Variants in PHKA1 observed in about 807,000 individuals in gnomAD.
PHKA1 encodes phosphorylase b kinase regulatory subunit alpha, skeletal muscle isoform.
In PHKA1, 60 loss-of-function variants were observed where a neutral mutation model predicts 110.2. That is an observed-to-expected ratio of 0.54 (90% CI 0.44 to 0.68). PHKA1 has a LOEUF of 0.68. PHKA1 is among the 30% of genes least tolerant of loss of function. The pLI, the probability that PHKA1 is intolerant of heterozygous loss-of-function variation, is 0.00. For synonymous variants in PHKA1, 316 were observed against 333.6 expected, an observed-to-expected ratio of 0.95 and a Z score of 0.58; for missense variants, 801 against 942.5, an observed-to-expected ratio of 0.85 and a Z score of 1.97.
At position 72,656,209 on chromosome X, in the gene PHKA1, G is replaced by A. The variant is rs376572000; in HGVS notation, c.952C>T (p.Leu318=). 8 of 1,209,988 alleles carry A rather than the reference G, an allele frequency of 6.6e-6. No individual in the cohort carries two copies. The highest frequency in any genetic ancestry group is 7.8e-6 in the Non-Finnish European group (7 of 893,692). ...PNRLYYEPAE[L]KLFENIECEW... is the part of the protein sequence containing the mutation. ...CACTCAATGTTTTCAAATAGCTTCA[G>A]CTCAGCTGGTTCATAGTACAGACGA... The change falls in exon 10 of 32, where the codon CTG becomes TTG. Residue 318 remains leucine (L), a synonymous_variant. Transcript: ENST00000373542.
chrX:72,698,549 TA>T (rs2054160228), intron 3 of PHKA1, among the ~76,000 whole-genome samples: 1 of 112,406 alleles, frequency 8.9e-6, no homozygotes, highest in Non-Finnish European at 1.9e-5. Context: ...AAATTTGGCA[TA>T]GGGGTTACAA....
intron 4 of PHKA1, 72 bp from the exon 5 acceptor site, chrX:72,684,652 C>G (rs1270232259): frequency 6.2e-6 from 4 of 645,401 alleles, no homozygotes; most frequent in African/African-American, 4.4e-5. Flanking sequence ...GCCATAGTGA[C>G]TAACTGATCT....
intron 4 of PHKA1, among the ~76,000 whole-genome samples, chrX:72,693,867 G>T (rs1053569925): frequency 9.0e-6 from 1 of 111,547 alleles, no homozygotes; most frequent in Non-Finnish European, 1.9e-5. Flanking sequence ...GTGGAGGGGG[G>T]AGTAGATTTA....
At chrX:72,683,973 G>A (rs1029410456) in intron 5 of PHKA1, among the ~76,000 whole-genome samples, 34 of 112,178 alleles carry the variant, frequency 3.0e-4, no homozygotes, top group Non-Finnish European at 4.5e-4. Flanking sequence ...GAAAAAAATC[G>A]CATTCCTGTA....
intron 6 of PHKA1, 103 bp from the exon 7 acceptor site, chrX:72,667,576 G>A: frequency 5.2e-6 from 3 of 579,793 alleles, no homozygotes; most frequent in Non-Finnish European, 8.7e-6. Context: ...TGTCACTTTT[G>A]AATATGTCTG....
At chrX:72,699,376 G>T (rs975591247) in intron 3 of PHKA1, among the ~76,000 whole-genome samples, 1 of 107,236 alleles carries the variant, frequency 9.3e-6, no homozygotes, top group East Asian at 2.9e-4. Context: ...GTGTGGTGGC[G>T]TGCTTGCCTG....
intron 29 of PHKA1, among the ~76,000 whole-genome samples, chrX:72,584,988 G>A (rs376140020): frequency 1.0e-5 from 1 of 100,449 alleles, no homozygotes; most frequent in Non-Finnish European, 2.0e-5. Flanking sequence ...ACCTATGAGT[G>A]AGAACACGCG....
intron 29 of PHKA1, among the ~76,000 whole-genome samples, chrX:72,590,972 A>G (rs1312167232): frequency 8.9e-6 from 1 of 111,977 alleles, no homozygotes; most frequent in African/African-American, 3.2e-5. Flanking sequence ...TGGGAGTGTA[A>G]ACTAGTTCAA....
Position 72,705,246 on chromosome X carries a change from C to T in PHKA1, c.238-1G>A. The T allele has an allele frequency of 8.4e-7, 1 of 1,188,079 alleles. No individual in the cohort carries two copies. Among genetic ancestry groups the T allele is most frequent in the Non-Finnish European group, 1.1e-6 (1 of 876,764 alleles). ...GTCCTCTCATCAGCTTCACTACACT[C>T]TGCAGAAATAAATGGAAACAAGACA... On this transcript the variant is annotated splice_acceptor_variant, in intron 2 of 31. Coordinates refer to ENST00000373542, the MANE Select transcript of PHKA1 (RefSeq NM_002637.4). LOFTEE classifies it high-confidence loss of function.
chrX:72,634,162 A>C (rs1556290066), intron 16 of PHKA1, among the ~76,000 whole-genome samples: 1 of 112,300 alleles, frequency 8.9e-6, no homozygotes, highest in Non-Finnish European at 1.9e-5. Context: ...TCATTCTTGC[A>C]TATTAGCTTT....
intron 8 of PHKA1, among the ~76,000 whole-genome samples, chrX:72,659,069 T>G (rs1169326412): frequency 2.7e-5 from 3 of 112,258 alleles, no homozygotes; most frequent in Admixed American, 9.4e-5. Flanking sequence ...CCTTTAGCAT[T>G]TATTAATTGA....
chrX:72,706,634 C>T (rs782375045), intron 2 of PHKA1, among the ~76,000 whole-genome samples: 25 of 111,185 alleles, frequency 2.2e-4, no homozygotes, highest in Non-Finnish European at 3.4e-4. Flanking sequence ...TAAAGGAACT[C>T]ATTTTAAAAA....
Position 72,705,058 on chromosome X carries a change from C to A in PHKA1, c.285+140G>T, listed in dbSNP as rs1191737874. On this transcript the variant is annotated intron_variant, in intron 3 of 31. Transcript: ENST00000373542. Reference sequence around the variant, plus strand: ...AGATTATGGGTGACATTATCCCTCTCCAATTTTCAAAATTTTCTAAAATTA... The same window carrying A: ...AGATTATGGGTGACATTATCCCTCTACAATTTTCAAAATTTTCTAAAATTA... 6 of 455,452 alleles carry A rather than the reference C, an allele frequency of 1.3e-5. No homozygotes were observed. In the African/African-American group the frequency reaches 1.5e-4, roughly 11 times the overall value. The allele number at this position is 455,452 out of a possible 1,213,427, so 37.5% of individuals were successfully genotyped here.
rs373128694 is a variant in PHKA1, at chrX:72,593,097, T to C, written c.3243+7A>G. 10 of 1,149,188 alleles carry C rather than the reference T, an allele frequency of 8.7e-6. No homozygotes were observed. The highest frequency in any genetic ancestry group is 1.2e-5 in the Non-Finnish European group (10 of 839,513). The allele number at this position is 1,149,188 out of a possible 1,213,427, so 94.7% of individuals were successfully genotyped here. A position where few individuals can be genotyped will look rare whatever the true frequency, so the allele number is the denominator to read the frequency against. On this transcript the variant is annotated splice_region_variant and intron_variant, in intron 29 of 31. Transcript: ENST00000373542. ...AAAATGAGACATCAACAATGTATTA[T>C]GCTCACCTTCTGCAAAACTTTCCAT...
At chrX:72,616,934 A>G (rs1375483072) in intron 21 of PHKA1, among the ~76,000 whole-genome samples, 1 of 112,295 alleles carries the variant, frequency 8.9e-6, no homozygotes, top group Non-Finnish European at 1.9e-5. Context: ...GAAGGAAATT[A>G]CAAAAATTTC....
At chrX:72,655,784 A>G (rs1365488674) in intron 10 of PHKA1, among the ~76,000 whole-genome samples, 13 of 111,539 alleles carry the variant, frequency 1.2e-4, no homozygotes, top group Admixed American at 1.0e-3. Flanking sequence ...CACCACGCCC[A>G]GCTAATTTTT....
chrX:72,593,791 A>G (rs1429045919), intron 28 of PHKA1, among the ~76,000 whole-genome samples: 1 of 112,668 alleles, frequency 8.9e-6, no homozygotes, highest in African/African-American at 3.2e-5. Flanking sequence ...ATCCTTTTTG[A>G]AAGCAATCTG....
At chrX:72,647,433 T>C (rs2053374245) in intron 13 of PHKA1, among the ~76,000 whole-genome samples, 1 of 111,857 alleles carries the variant, frequency 8.9e-6, no homozygotes, top group Non-Finnish European at 1.9e-5. Context: ...TGAATAAATT[T>C]ACAGGGCAAG....
chrX:72,602,405 T>G, intron 26 of PHKA1, 132 bp from the exon 27 acceptor site: 1 of 494,091 alleles, frequency 2.0e-6, no homozygotes, highest in South Asian at 3.0e-5. Context: ...CCTTGCTATT[T>G]GAAATGTGGT....
Sources: gnomAD v4.1 joint callset for allele counts (sites outside exome capture counted in the v4.1 genomes callset) on GRCh38, gnomAD v4.1.1 for gene constraint, MANE v1.5 for transcripts, NCBI Gene and HGNC (gene_info 2026-07-23, HGNC 2026-07-21) for gene names.